The following KCNIP4 variants were observed in gnomAD, a reference collection of about 807,000 sequenced individuals.
The protein encoded by KCNIP4 is Kv channel-interacting protein 4.
KCNIP4 carries 12 observed loss-of-function variants against 34.0 expected under a neutral mutation model. The observed-to-expected ratio is 0.35, with a 90% CI of 0.23 to 0.57. The LOEUF is 0.57. KCNIP4 is among the 20% of genes least tolerant of loss of function. The probability of loss-of-function intolerance (pLI) is 0.83; values close to 1 mark genes in which losing one functional copy is unlikely to be tolerated. For missense variants in KCNIP4, 238 were observed against 311.7 expected, an observed-to-expected ratio of 0.76 and a Z score of 1.78; for synonymous variants, 124 against 102.2, an observed-to-expected ratio of 1.21 and a Z score of -1.29.
intron 1 of KCNIP4, among the ~76,000 whole-genome samples, chr4:21,310,850 G>C (rs1035597112): frequency 1.3e-5 from 2 of 151,750 alleles, no homozygotes; most frequent in Admixed American, 6.6e-5. Context: ...GGACGGTCTG[G>C]ATCGCCTAAC....
intron 1 of KCNIP4, among the ~76,000 whole-genome samples, chr4:21,628,438 G>A (rs942063840): frequency 6.6e-6 from 1 of 152,112 alleles, no homozygotes; most frequent in Admixed American, 6.6e-5. Flanking sequence ...GCACATGCTG[G>A]TACTTGACAT....
chr4:20,954,725 C>T (rs1031166973), intron 1 of KCNIP4, among the ~76,000 whole-genome samples: 7 of 152,130 alleles, frequency 4.6e-5, no homozygotes, highest in East Asian at 1.9e-4. Context: ...TGGGCCCAGG[C>T]GCATCCTCAA....
intron 1 of KCNIP4, among the ~76,000 whole-genome samples, chr4:21,398,518 A>C (rs1045203605): frequency 8.5e-5 from 13 of 152,234 alleles, no homozygotes; most frequent in Admixed American, 8.5e-4. Context: ...GAAGAGAAAA[A>C]TCAACTTGGT....
intron 1 of KCNIP4, among the ~76,000 whole-genome samples, chr4:20,983,652 G>A (rs1419146367): frequency 6.6e-6 from 1 of 152,116 alleles, no homozygotes; most frequent in African/African-American, 2.4e-5. Flanking sequence ...CAAATATCTA[G>A]ATAAACCAAA....
intron 1 of KCNIP4, among the ~76,000 whole-genome samples, chr4:21,200,772 A>ACC (rs1242522427): frequency 2.6e-4 from 40 of 151,866 alleles, no homozygotes; most frequent in Non-Finnish European, 1.5e-5. Context: ...AACCACTTGT[A>ACC]CCCCTAAAGC....
At position 21,617,029 on chromosome 4, in the gene KCNIP4, C is replaced by T. The variant is rs188368838; in HGVS notation, c.61+331542G>A. ...CTTAAAAACATTCTTTGGCCAAGGG[C>T]GATGTGGGAAGTCCCTTACTATAGT... On this transcript the variant is annotated intron_variant, in intron 1 of 8. Transcript: ENST00000382152. Among the ~76,000 whole-genome samples the T allele has an allele frequency of 7.9e-5, 12 of 152,156 alleles. No homozygotes were observed. In the East Asian group the frequency reaches 1.5e-3, roughly 20 times the overall value.
At chr4:21,240,024 C>G (rs934827653) in intron 1 of KCNIP4, among the ~76,000 whole-genome samples, 2 of 151,892 alleles carry the variant, frequency 1.3e-5, no homozygotes, top group Non-Finnish European at 2.9e-5. Flanking sequence ...CACATATACA[C>G]CATGGAATAC....
Position 20,729,318 on chromosome 4 carries a change from T to TGATACTAATGATTGATAC in KCNIP4, c.*746_*763dup. 1 of 152,146 alleles carries TGATACTAATGATTGATAC rather than the reference T, an allele frequency of 6.6e-6. No homozygotes were observed. The highest frequency in any genetic ancestry group is 2.1e-4 in the South Asian group (1 of 4,790). 9.4% of individuals were successfully genotyped at this position (152,146 alleles called of 1,614,324 possible). A position where few individuals can be genotyped will look rare whatever the true frequency, so the allele number is the denominator to read the frequency against. On this transcript the variant is annotated 3_prime_UTR_variant, in exon 9 of 9. Transcript: ENST00000382152. ...CCTTCTTCAACTTCCACTTAATGAT[T>TGATACTAATGATTGATAC]GATACTAATGATTGATACAATAGAA...
intron 1 of KCNIP4, among the ~76,000 whole-genome samples, chr4:21,036,093 T>G (rs1272644561): frequency 1.3e-5 from 2 of 152,212 alleles, no homozygotes; most frequent in African/African-American, 4.8e-5. Flanking sequence ...TACTCCTTTC[T>G]CCTGGGAACA....
At chr4:20,746,082 A>G (rs1752353967) in intron 5 of KCNIP4, among the ~76,000 whole-genome samples, 2 of 152,208 alleles carry the variant, frequency 1.3e-5, no homozygotes, top group African/African-American at 4.8e-5. Flanking sequence ...ACACATGTAT[A>G]TGTATTGCAG....
chr4:21,528,628 C>G (rs1736185629), intron 1 of KCNIP4, among the ~76,000 whole-genome samples: 1 of 149,186 alleles, frequency 6.7e-6, no homozygotes, highest in Non-Finnish European at 1.5e-5. Context: ...GAACGCGTCA[C>G]TGAACTCCAG....
At chr4:21,048,361 A>G (rs911870715) in intron 1 of KCNIP4, among the ~76,000 whole-genome samples, 13 of 152,242 alleles carry the variant, frequency 8.5e-5, no homozygotes, top group African/African-American at 3.1e-4. Flanking sequence ...CTTGAAAGTG[A>G]CGTGCATCAC....
intron 7 of KCNIP4, 32 bp downstream of exon 7, chr4:20,732,649 C>T (rs749112104): frequency 2.9e-6 from 4 of 1,401,756 alleles, no homozygotes; most frequent in African/African-American, 1.4e-5. Context: ...CTCCTAACTT[C>T]ATGCCCTCTT....
intron 1 of KCNIP4, among the ~76,000 whole-genome samples, chr4:21,233,047 T>C (rs1332267832): frequency 1.3e-5 from 2 of 152,032 alleles, no homozygotes; most frequent in Non-Finnish European, 2.9e-5. Flanking sequence ...AGAGGGACAA[T>C]ATGTGCAATA....
chr4:21,256,981 G>A (rs1325331861), intron 1 of KCNIP4, among the ~76,000 whole-genome samples: 1 of 152,118 alleles, frequency 6.6e-6, no homozygotes. Context: ...TATTTTTTGA[G>A]CACTAGGACT....
chr4:20,874,868 C>T (rs970571307), intron 2 of KCNIP4, among the ~76,000 whole-genome samples: 3 of 152,048 alleles, frequency 2.0e-5, no homozygotes, highest in African/African-American at 7.2e-5. Context: ...ACGATAGGGC[C>T]AATTGGTATT....
intron 1 of KCNIP4, among the ~76,000 whole-genome samples, chr4:21,470,107 T>C (rs534425720): frequency 1.6e-4 from 25 of 152,312 alleles, no homozygotes; most frequent in Admixed American, 1.2e-3. Context: ...TGTTGCTTCC[T>C]GAACTCACCC....
At chr4:21,837,366 T>C (rs1161940982) in intron 1 of KCNIP4, among the ~76,000 whole-genome samples, 3 of 148,648 alleles carry the variant, frequency 2.0e-5, no homozygotes, top group Non-Finnish European at 4.5e-5. Flanking sequence ...AAACTCCATC[T>C]CTACTAAAAA....
chr4:21,734,586 T>C (rs1159656544), intron 1 of KCNIP4, among the ~76,000 whole-genome samples: 1 of 152,208 alleles, frequency 6.6e-6, no homozygotes, highest in Non-Finnish European at 1.5e-5. Context: ...ACCAATACTG[T>C]GCTGTGTGAA....
Sources: allele counts gnomAD v4.1 joint callset (sites outside exome capture counted in the v4.1 genomes callset), GRCh38; gene constraint gnomAD v4.1.1; transcripts MANE v1.5; gene names NCBI Gene and HGNC (gene_info 2026-07-23, HGNC 2026-07-21).